The following ARSB variants were observed in gnomAD, a reference collection of about 807,000 sequenced individuals.
ARSB encodes the protein N-acetylgalactosamine-4-sulfatase.
ARSB carries 41 observed loss-of-function variants against 50.9 expected under a neutral mutation model. The ratio of observed to expected loss-of-function variants is 0.81; its 90% CI spans 0.63 to 1.04. The LOEUF (loss-of-function observed/expected upper bound fraction) is 1.04. ARSB is among the 50% of genes least tolerant of loss of function. ARSB has a pLI of 0.00. For synonymous variants in ARSB, 269 were observed against 284.8 expected, an observed-to-expected ratio of 0.94 and a Z score of 0.56; for missense variants, 672 against 693.3, an observed-to-expected ratio of 0.97 and a Z score of 0.35.
At position 78,974,902 on chromosome 5, in the gene ARSB, C is replaced by T. The variant is rs188211632; in HGVS notation, c.313-5710G>A. Among the ~76,000 whole-genome samples, 522 of 152,262 alleles carry T rather than the reference C, an allele frequency of 3.4e-3. 1 individual carries two copies. The highest frequency in any genetic ancestry group is 0.012 in the African/African-American group (486 of 41,558). ...CTTTAGTGAGGCCATCTTGCTTGTC[C>T]CTATGGAGCTAATGCATCCTTTGTT... On this transcript the variant is annotated intron_variant, in intron 1 of 7. Coordinates refer to ENST00000264914, the MANE Select transcript of ARSB (RefSeq NM_000046.5).
At chr5:78,932,484 C>A (rs1750373326) in intron 4 of ARSB, among the ~76,000 whole-genome samples, 1 of 152,184 alleles carries the variant, frequency 6.6e-6, no homozygotes, top group African/African-American at 2.4e-5. Flanking sequence ...CCCTTTCCAG[C>A]TCTATCTTTC....
chr5:78,954,164 T>A (rs1230284755), intron 4 of ARSB, among the ~76,000 whole-genome samples: 3 of 151,566 alleles, frequency 2.0e-5, no homozygotes, highest in Non-Finnish European at 4.4e-5. Context: ...AGGAGTTCTG[T>A]ACAGAAAAAA....
chr5:78,872,809 G>T (rs1453876785), intron 5 of ARSB, among the ~76,000 whole-genome samples: 2 of 102,434 alleles, frequency 2.0e-5, no homozygotes, highest in South Asian at 4.2e-4. Flanking sequence ...AAAACTTAAA[G>T]TATAATTAAA....
intron 4 of ARSB, among the ~76,000 whole-genome samples, chr5:78,886,288 T>C (rs1057035076): frequency 1.3e-5 from 2 of 152,252 alleles, no homozygotes; most frequent in African/African-American, 2.4e-5. Context: ...CTTTTCCTCT[T>C]GGAAAAAAAA....
At chr5:78,928,809 A>T (rs337889) in intron 4 of ARSB, among the ~76,000 whole-genome samples, 95,952 of 152,088 alleles carry the variant, frequency 0.63, 31,215 homozygotes, top group African/African-American at 0.81. Flanking sequence ...TATTAACCAG[A>T]TAAATTATTT....
At chr5:78,813,762 CA>C (rs527240494) in intron 6 of ARSB, among the ~76,000 whole-genome samples, 8 of 141,994 alleles carry the variant, frequency 5.6e-5, no homozygotes, top group South Asian at 2.2e-4. Context: ...TCTCACAAAA[CA>C]AAAAAAAAAG....
chr5:78,849,504 C>T (rs934247588), intron 5 of ARSB, among the ~76,000 whole-genome samples: 3 of 151,838 alleles, frequency 2.0e-5, no homozygotes, highest in African/African-American at 7.3e-5. Flanking sequence ...TAGCGTGATG[C>T]CTCCAGCTTT....
intron 5 of ARSB, chr5:78,885,356 G>T: frequency 1.6e-6 from 1 of 640,976 alleles, no homozygotes; most frequent in Non-Finnish European, 2.4e-6. Context: ...AGGGCGATGG[G>T]CTGAGGACAA....
intron 5 of ARSB, chr5:78,883,426 G>C (rs1747858505): frequency 6.6e-6 from 1 of 152,154 alleles, no homozygotes; most frequent in Non-Finnish European, 1.5e-5. Context: ...TTTCAGGCAA[G>C]AATAAGAGGG....
intron 4 of ARSB, among the ~76,000 whole-genome samples, chr5:78,886,316 G>A (rs1252207315): frequency 6.6e-6 from 1 of 152,064 alleles, no homozygotes; most frequent in African/African-American, 2.4e-5. Flanking sequence ...ATTTAAACTG[G>A]AAAATGAATT....
chr5:78,943,376 T>C (rs1751037190), intron 4 of ARSB, among the ~76,000 whole-genome samples: 1 of 152,210 alleles, frequency 6.6e-6, no homozygotes, highest in Non-Finnish European at 1.5e-5. Context: ...CTAGCCTCGA[T>C]GGTCTTTACA....
intron 6 of ARSB, among the ~76,000 whole-genome samples, chr5:78,833,836 G>T (rs1224471781): frequency 1.3e-5 from 2 of 152,228 alleles, no homozygotes; most frequent in Non-Finnish European, 2.9e-5. Context: ...TCTTTTCAAT[G>T]CAGGGAGCGA....
intron 6 of ARSB, among the ~76,000 whole-genome samples, chr5:78,814,517 T>C (rs1580995156): frequency 1.3e-5 from 2 of 150,786 alleles, no homozygotes; most frequent in East Asian, 3.9e-4. Context: ...TGGTCTCTCC[T>C]CTCTTTTAAA....
chr5:78,945,975 A>G (rs555394174), intron 4 of ARSB, among the ~76,000 whole-genome samples: 2 of 152,326 alleles, frequency 1.3e-5, no homozygotes, highest in Middle Eastern at 3.4e-3. Flanking sequence ...CTGCATAATA[A>G]TAATACATGT....
chr5:78,861,023 A>G (rs1746408706), intron 5 of ARSB, among the ~76,000 whole-genome samples: 1 of 152,232 alleles, frequency 6.6e-6, no homozygotes, highest in Non-Finnish European at 1.5e-5. Context: ...AGAAATGGAT[A>G]AATTCCTCGA....
At chr5:78,795,955 T>C (rs1308613944) in intron 6 of ARSB, among the ~76,000 whole-genome samples, 1 of 152,244 alleles carries the variant, frequency 6.6e-6, no homozygotes, top group Non-Finnish European at 1.5e-5. Context: ...TTAATCATTA[T>C]TGCATTGTGC....
chr5:78,885,342 A>G, intron 5 of ARSB: 1 of 566,462 alleles, frequency 1.8e-6, no homozygotes, highest in East Asian at 3.0e-5. Context: ...AAGACCTTCC[A>G]TGGAGGGCGA....
intron 5 of ARSB, among the ~76,000 whole-genome samples, chr5:78,880,898 G>A (rs11743362): frequency 0.34 from 52,299 of 152,034 alleles, 10,934 homozygotes; most frequent in Non-Finnish European, 0.44. Flanking sequence ...CTCTGATTTA[G>A]ACACTGACCT....
chr5:78,862,365 T>C (rs1341450919), intron 5 of ARSB, among the ~76,000 whole-genome samples: 3 of 152,112 alleles, frequency 2.0e-5, no homozygotes, highest in African/African-American at 4.8e-5. Flanking sequence ...CTTCAAACTA[T>C]ACTACAAGGC....
Sources: allele counts gnomAD v4.1 joint callset (sites outside exome capture counted in the v4.1 genomes callset), GRCh38; gene constraint gnomAD v4.1.1; transcripts MANE v1.5; gene names NCBI Gene and HGNC (gene_info 2026-07-23, HGNC 2026-07-21).